Variants in MACROD2 observed in about 807,000 individuals in gnomAD.
MACROD2 encodes ADP-ribose glycohydrolase MACROD2.
Under a neutral mutation model 70.4 loss-of-function variants are expected in MACROD2, and 36 were observed. That is an observed-to-expected ratio of 0.51 (90% CI 0.39 to 0.68). The LOEUF (loss-of-function observed/expected upper bound fraction) is 0.68. Ranked by LOEUF, MACROD2 falls within the 30% of genes least tolerant of loss-of-function variation. MACROD2 has a pLI of 0.00. For synonymous variants in MACROD2, 172 were observed against 178.8 expected, an observed-to-expected ratio of 0.96 and a Z score of 0.30; for missense variants, 496 against 538.4, an observed-to-expected ratio of 0.92 and a Z score of 0.78.
In MACROD2 at chr20:14,770,864, C is replaced by T. The variant is rs1179434535; in HGVS notation, c.418+85905C>T. Among the ~76,000 whole-genome samples the T allele has an allele frequency of 4.6e-5, 7 of 152,046 alleles. No individual in the cohort carries two copies. The East Asian group carries it at 1.2e-3, about 25-fold the overall frequency. On this transcript the variant is annotated intron_variant, in intron 5 of 17. Transcript: ENST00000684519. Reference sequence around the variant, plus strand: ...CAAGCAGGCTGGCTCCAGTGCCATACAAATATGTGTCACATATGCTACATT... The same window carrying T: ...CAAGCAGGCTGGCTCCAGTGCCATATAAATATGTGTCACATATGCTACATT...
chr20:15,362,147 G>C (rs2078359815), intron 6 of MACROD2, among the ~76,000 whole-genome samples: 1 of 151,970 alleles, frequency 6.6e-6, no homozygotes, highest in Non-Finnish European at 1.5e-5. Flanking sequence ...GAGTAGCTGG[G>C]ATTACAGGCG....
chr20:14,943,200 A>G (rs2122712510), intron 5 of MACROD2, among the ~76,000 whole-genome samples: 1 of 152,332 alleles, frequency 6.6e-6, no homozygotes, highest in South Asian at 2.1e-4. Flanking sequence ...TTTTGACCAG[A>G]TATTTGCGAA....
intron 4 of MACROD2, among the ~76,000 whole-genome samples, chr20:14,598,018 C>G (rs1236626904): frequency 6.6e-6 from 1 of 152,066 alleles, no homozygotes; most frequent in Admixed American, 6.5e-5. Flanking sequence ...TGCTTCTCTA[C>G]CTTTGTTTGC....
chr20:14,122,351 C>T (rs1328884898), intron 3 of MACROD2, among the ~76,000 whole-genome samples: 3 of 152,196 alleles, frequency 2.0e-5, no homozygotes, highest in South Asian at 4.1e-4. Flanking sequence ...AGCATGCATC[C>T]CTGGCACATT....
intron 5 of MACROD2, among the ~76,000 whole-genome samples, chr20:14,946,862 A>C (rs936703683): frequency 6.6e-6 from 1 of 152,114 alleles, no homozygotes; most frequent in Non-Finnish European, 1.5e-5. Flanking sequence ...AGTAGATTCA[A>C]TTTTGTATTC....
At chr20:15,006,329 A>G (rs2075037329) in intron 5 of MACROD2, among the ~76,000 whole-genome samples, 1 of 152,024 alleles carries the variant, frequency 6.6e-6, no homozygotes, top group African/African-American at 2.4e-5. Flanking sequence ...CAGACAATAG[A>G]AAGGTGGTTA....
At chr20:14,661,748 A>G (rs181343297) in intron 4 of MACROD2, among the ~76,000 whole-genome samples, 57 of 152,146 alleles carry the variant, frequency 3.7e-4, no homozygotes, top group African/African-American at 1.2e-3. Flanking sequence ...CAATATTCCT[A>G]TATTTTATTA....
intron 3 of MACROD2, among the ~76,000 whole-genome samples, chr20:14,369,883 CA>C (rs1175999637): frequency 2.0e-5 from 3 of 152,058 alleles, no homozygotes; most frequent in Admixed American, 6.5e-5. Flanking sequence ...TTTAATAAAG[CA>C]AAAATGCAAT....
chr20:15,340,237 C>A (rs889198968), intron 6 of MACROD2, among the ~76,000 whole-genome samples: 3 of 141,758 alleles, frequency 2.1e-5, no homozygotes, highest in African/African-American at 7.8e-5. Flanking sequence ...CTCCCAGGTT[C>A]AAGCAATTCT....
intron 2 of MACROD2, among the ~76,000 whole-genome samples, chr20:14,029,430 A>G (rs1002847325): frequency 6.6e-6 from 1 of 152,162 alleles, no homozygotes; most frequent in African/African-American, 2.4e-5. Context: ...AATACTTTTT[A>G]TTGAATTTAT....
chr20:14,093,493 C>A (rs2054180344), intron 3 of MACROD2, among the ~76,000 whole-genome samples: 2 of 152,060 alleles, frequency 1.3e-5, no homozygotes, highest in South Asian at 4.1e-4. Flanking sequence ...CCTCACAAAG[C>A]AGTATTTTTG....
At chr20:14,684,688 G>T (rs1022861845) in intron 4 of MACROD2, among the ~76,000 whole-genome samples, 155 bp from the exon 5 acceptor site, 1 of 137,126 alleles carries the variant, frequency 7.3e-6, no homozygotes, top group Non-Finnish European at 1.5e-5. Flanking sequence ...ACACAAACAA[G>T]CTAGTGTTTG....
chr20:15,133,079 A>G (rs1403341411), intron 5 of MACROD2, among the ~76,000 whole-genome samples: 1 of 152,092 alleles, frequency 6.6e-6, no homozygotes, highest in East Asian at 1.9e-4. Flanking sequence ...ATATATTTTT[A>G]AAAGCCTGAA....
At chr20:15,031,696 T>C (rs190227196) in intron 5 of MACROD2, among the ~76,000 whole-genome samples, 54 of 152,224 alleles carry the variant, frequency 3.5e-4, no homozygotes, top group African/African-American at 1.3e-3. Flanking sequence ...GTTAGCGGTG[T>C]TTTTATGGGC....
chr20:15,439,588 C>T (rs1053435862), intron 7 of MACROD2, among the ~76,000 whole-genome samples: 4 of 152,152 alleles, frequency 2.6e-5, no homozygotes, highest in African/African-American at 9.7e-5. Context: ...GCAGTGAAAC[C>T]ACCTTAGCCT....
At chr20:15,982,049 A>G (rs1404559759) in intron 13 of MACROD2, among the ~76,000 whole-genome samples, 4 of 151,964 alleles carry the variant, frequency 2.6e-5, no homozygotes, top group African/African-American at 9.7e-5. Context: ...TACTATCAAT[A>G]GCAGCACAAG....
At chr20:16,027,868 T>C (rs1263641584) in intron 15 of MACROD2, among the ~76,000 whole-genome samples, 1 of 152,106 alleles carries the variant, frequency 6.6e-6, no homozygotes, top group Non-Finnish European at 1.5e-5. Context: ...TGATCTGAGA[T>C]CAGCTCTGGC....
intron 6 of MACROD2, among the ~76,000 whole-genome samples, chr20:15,388,016 A>G (rs1344416205): frequency 6.6e-6 from 1 of 152,068 alleles, no homozygotes; most frequent in African/African-American, 2.4e-5. Context: ...CTCCCAAAGC[A>G]CAGGGATGTT....
intron 3 of MACROD2, among the ~76,000 whole-genome samples, chr20:14,347,188 A>C (rs1315340830): frequency 1.3e-5 from 2 of 152,194 alleles, no homozygotes; most frequent in Non-Finnish European, 2.9e-5. Flanking sequence ...TGTTAATTTG[A>C]GGTGAAAAGT....
Sources: gnomAD v4.1 joint callset for allele counts (sites outside exome capture counted in the v4.1 genomes callset) on GRCh38, gnomAD v4.1.1 for gene constraint, MANE v1.5 for transcripts, NCBI Gene and HGNC (gene_info 2026-07-23, HGNC 2026-07-21) for gene names.